Variants in CCDC144A observed in about 807,000 individuals in gnomAD.
CCDC144A encodes the protein coiled-coil domain-containing protein 144A.
CCDC144A carries 41 observed loss-of-function variants against 143.8 expected under a neutral mutation model. The observed-to-expected ratio is 0.29, with a 90% CI of 0.22 to 0.37. The LOEUF (loss-of-function observed/expected upper bound fraction) is 0.37. Among genes scored for constraint, CCDC144A ranks in the 10% least tolerant of loss-of-function variants. CCDC144A has a pLI of 1.00. For missense variants in CCDC144A, 637 were observed against 1,488.8 expected (o/e 0.43, Z 9.41); for synonymous variants, 242 against 517.9 (o/e 0.47, Z 7.23).
intron 12 of CCDC144A, among the ~76,000 whole-genome samples, chr17:16,759,735 T>C (rs2143361242): frequency 6.6e-6 from 1 of 152,384 alleles, no homozygotes; most frequent in African/African-American, 2.4e-5. Flanking sequence ...CCTGGTCCAA[T>C]GGTAATCCTA....
chr17:16,668,280 C>T, the CCDC144A span, among the ~76,000 whole-genome samples: 4 of 152,266 alleles, frequency 2.6e-5, no homozygotes, highest in African/African-American at 9.6e-5. Flanking sequence ...TACGGAGCAA[C>T]ATTCTGTCTT....
chr17:16,746,910 C>G (rs910626196), intron 12 of CCDC144A: 2 of 610,242 alleles, frequency 3.3e-6, no homozygotes, highest in Non-Finnish European at 5.8e-6. Context: ...CCTCCCTCCC[C>G]TCTAGGTCCC....
intron 12 of CCDC144A, among the ~76,000 whole-genome samples, chr17:16,751,062 G>A (rs898257381): frequency 6.6e-6 from 1 of 152,156 alleles, no homozygotes; most frequent in African/African-American, 2.4e-5. Flanking sequence ...TTTATAGCTG[G>A]GGAGCTAGTG....
intron 15 of CCDC144A, 134 bp from the exon 16 acceptor site, chr17:16,771,843 T>C: frequency 1.5e-6 from 1 of 683,926 alleles, no homozygotes; most frequent in Non-Finnish European, 2.4e-6. Flanking sequence ...TATATGATAT[T>C]TTTAATTTAA....
rs571843568 is a variant in CCDC144A, at chr17:16,742,699, G to A, written c.3372+7056G>A. 8.8e-3 allele frequency among the ~76,000 whole-genome samples: 1,345 copies of A among 152,076 alleles called. 11 individuals carry two copies. Among genetic ancestry groups the A allele is most frequent in the Non-Finnish European group, 0.014 (964 of 67,980 alleles). On this transcript the variant is annotated intron_variant, in intron 12 of 16. Transcript: ENST00000399273. ...GAGTTTTCTTTTTCTCTCCAACCTC[G>A]CCAGGATTTTTTACTTCTGGTTTCT...
intron 12 of CCDC144A, among the ~76,000 whole-genome samples, chr17:16,759,265 C>T (rs560796275): frequency 2.1e-3 from 313 of 152,306 alleles, no homozygotes; most frequent in Non-Finnish European, 3.7e-3. Context: ...GTGGGTTTTC[C>T]ATTTACGATA....
chr17:16,697,813 G>GTACAGTT (rs1314767060), intron 2 of CCDC144A, among the ~76,000 whole-genome samples: 3 of 152,302 alleles, frequency 2.0e-5, no homozygotes, highest in African/African-American at 7.2e-5. Flanking sequence ...GAGAAAAGAG[G>GTACAGTT]TACAGTTAAT....
At chr17:16,741,375 C>CT (rs1430652032) in intron 12 of CCDC144A, among the ~76,000 whole-genome samples, 1 of 152,034 alleles carries the variant, frequency 6.6e-6, no homozygotes, top group East Asian at 1.9e-4. Flanking sequence ...GGAACTTTAG[C>CT]TGGGGCAGGT....
intron 12 of CCDC144A, among the ~76,000 whole-genome samples, chr17:16,742,547 A>T (rs1443711767): frequency 6.6e-6 from 1 of 152,066 alleles, no homozygotes; most frequent in African/African-American, 2.4e-5. Flanking sequence ...TATCCCTTTG[A>T]TATGCTGATT....
intron 2 of CCDC144A, among the ~76,000 whole-genome samples, chr17:16,701,254 C>T (rs1911715301): frequency 6.6e-6 from 1 of 151,882 alleles, no homozygotes; most frequent in Admixed American, 6.6e-5. Context: ...TTTCCATATT[C>T]CCCATGACCC....
intron 14 of CCDC144A, 142 bp from the exon 15 acceptor site, chr17:16,763,823 C>G: frequency 1.1e-6 from 1 of 896,156 alleles, no homozygotes; most frequent in Non-Finnish European, 1.6e-6. Context: ...TAGGCATGCT[C>G]TAACACATTT....
chr17:16,734,577 C>G, intron 11 of CCDC144A, 113 bp from the exon 12 acceptor site: 2 of 891,126 alleles, frequency 2.2e-6, no homozygotes, highest in Non-Finnish European at 3.3e-6. Flanking sequence ...TATTTTTTTC[C>G]AGTTGGATAT....
intron 12 of CCDC144A, among the ~76,000 whole-genome samples, chr17:16,751,798 G>A (rs1227978875): frequency 6.6e-6 from 1 of 152,262 alleles, no homozygotes; most frequent in African/African-American, 2.4e-5. Flanking sequence ...TTCTGTGGGT[G>A]TGCACCTGGT....
chr17:16,717,103 C>CTTTTT (rs1195816990), intron 6 of CCDC144A, among the ~76,000 whole-genome samples: 2 of 126,530 alleles, frequency 1.6e-5, no homozygotes, highest in Non-Finnish European at 3.3e-5. Context: ...GCTCGGCCAG[C>CTTTTT]TTTTTTTTTT....
upstream of CCDC144A, among the ~76,000 whole-genome samples, chr17:16,688,151 C>A (rs1229469095): frequency 6.6e-6 from 1 of 151,952 alleles, no homozygotes; most frequent in Non-Finnish European, 1.5e-5. Flanking sequence ...TAAACTGAGT[C>A]TGTTTTCAGA....
the CCDC144A span, chr17:16,683,460 G>T: frequency 1.3e-5 from 17 of 1,299,432 alleles, no homozygotes; most frequent in Admixed American, 1.9e-5. Context: ...TGTCCCTGGC[G>T]GCAGAGTCGC....
chr17:16,704,052 A>AT (rs1348928449), intron 2 of CCDC144A, among the ~76,000 whole-genome samples: 1 of 152,228 alleles, frequency 6.6e-6, no homozygotes, highest in Non-Finnish European at 1.5e-5. Context: ...TAGAGTCAAC[A>AT]TTTTAAACCA....
At chr17:16,725,660 A>T (rs991471697) in intron 8 of CCDC144A, among the ~76,000 whole-genome samples, 3 of 150,708 alleles carry the variant, frequency 2.0e-5, no homozygotes, top group African/African-American at 7.3e-5. Flanking sequence ...ACAAAAGACT[A>T]CGGATTGGAT....
chr17:16,722,715 CT>C (rs1913163492), intron 8 of CCDC144A, among the ~76,000 whole-genome samples: 1 of 152,144 alleles, frequency 6.6e-6, no homozygotes, highest in African/African-American at 2.4e-5. Context: ...CAACCACTGA[CT>C]TTTTTTACTG....
Sources: allele counts gnomAD v4.1 joint callset (sites outside exome capture counted in the v4.1 genomes callset), GRCh38; gene constraint gnomAD v4.1.1; transcripts MANE v1.5; gene names NCBI Gene and HGNC (gene_info 2026-07-23, HGNC 2026-07-21).